Variants in TTLL8 observed in about 807,000 individuals in gnomAD.
TTLL8 encodes the protein protein monoglycylase TTLL8.
Under a neutral mutation model 77.8 loss-of-function variants are expected in TTLL8, and 65 were observed. The ratio of observed to expected loss-of-function variants is 0.84; its 90% confidence interval spans 0.68 to 1.03. The LOEUF is 1.03. Ranked by LOEUF, TTLL8 falls within the 50% of genes least tolerant of loss-of-function variation. The pLI is 0.00. For missense variants in TTLL8, 910 were observed against 1,004.5 expected, an observed-to-expected ratio of 0.91 and a Z score of 1.27; for synonymous variants, 402 against 422.8, an observed-to-expected ratio of 0.95 and a Z score of 0.60.
chr22:50,051,768 C>T lies in TTLL8; in HGVS notation c.52-1521G>A, dbSNP rs148257211. Among the ~76,000 whole-genome samples the T allele has an allele frequency of 1.8e-3, 271 of 152,234 alleles. 4 individuals carry two copies. The highest frequency in any genetic ancestry group is 0.01 in the Middle Eastern group (3 of 294). ...GTGGTATCACATTGTGGTTTTAATT[C>T]GCATTTCCCTGAGAATTAGTGATGC... On this transcript the variant is annotated intron_variant, in intron 1 of 13. Coordinates refer to ENST00000266182, the Ensembl canonical transcript of TTLL8.
At chr22:50,052,628 GAT>G (rs2061450257) in intron 1 of TTLL8, among the ~76,000 whole-genome samples, 1 of 152,142 alleles carries the variant, frequency 6.6e-6, no homozygotes, top group Non-Finnish European at 1.5e-5. Context: ...AAAAGGAAAA[GAT>G]AGAAATATGA....
intron 1 of TTLL8, 42 bp from the exon 4 acceptor site, chr22:50,050,289 T>C: frequency 1.5e-6 from 2 of 1,294,576 alleles, no homozygotes; most frequent in Non-Finnish European, 2.0e-6. Flanking sequence ...TCAATCATTT[T>C]TGGGGAATAG....
chr22:50,048,885 A>T (rs137908), intron 3 of TTLL8, among the ~76,000 whole-genome samples: 1 of 151,656 alleles, frequency 6.6e-6, no homozygotes, highest in Non-Finnish European at 1.5e-5. Context: ...TGCTGGAGAC[A>T]GGAGCTCACT....
intron 6 of TTLL8, among the ~76,000 whole-genome samples, chr22:50,042,164 A>G (rs1327289580): frequency 6.6e-6 from 1 of 152,232 alleles, no homozygotes; most frequent in Non-Finnish European, 1.5e-5. Flanking sequence ...CATTAAAATG[A>G]AAAACTTCTG....
intron 3 of TTLL8, among the ~76,000 whole-genome samples, 158 bp from the exon 6 acceptor site, chr22:50,047,454 C>A (rs1042023748): frequency 6.6e-6 from 1 of 152,222 alleles, no homozygotes; most frequent in African/African-American, 2.4e-5. Context: ...GGGCCTCCTG[C>A]ACATGGGATG....
At position 50,034,306 on chromosome 22, in the gene TTLL8, C is replaced by T. The variant is rs750096855; in HGVS notation, c.1039+39G>A. 2.2e-5 allele frequency: 29 copies of T among 1,339,788 alleles called. No individual in the cohort carries two copies. Among genetic ancestry groups the T allele is most frequent in the South Asian group, 2.0e-4 (17 of 85,856 alleles). 83.0% of individuals were successfully genotyped at this position (1,339,788 alleles called of 1,614,324 possible). A position where few individuals can be genotyped will look rare whatever the true frequency, so the allele number is the denominator to read the frequency against. On this transcript the variant is annotated intron_variant, in intron 9 of 13. Transcript: ENST00000266182. The surrounding 1 kb of genome is among the most constrained non-coding windows in gnomAD (Gnocchi z 4.1). ...CACGGCTCCTGGCATCAAGTGTGGC[C>T]GTTGGTGGCTATGAACGCGGTGCAG... is the stretch of plus-strand genomic sequence containing the variant.
intron 3 of TTLL8, among the ~76,000 whole-genome samples, chr22:50,048,333 G>A (rs2061425071): frequency 1.3e-5 from 2 of 152,098 alleles, no homozygotes; most frequent in South Asian, 4.2e-4. Flanking sequence ...TCCCCAGGGC[G>A]ATGGCATAGG....
chr22:50,045,631 G>A (rs930747634), intron 5 of TTLL8, among the ~76,000 whole-genome samples: 6 of 152,290 alleles, frequency 3.9e-5, no homozygotes, highest in Admixed American at 2.6e-4. Context: ...CCAGCTGCTC[G>A]CCGCGCTGTC....
At chr22:50,026,721 A>C (rs2061231764) in intron 12 of TTLL8, among the ~76,000 whole-genome samples, 1 of 152,236 alleles carries the variant, frequency 6.6e-6, no homozygotes, top group South Asian at 2.1e-4. Context: ...AGCTGTGTCT[A>C]CTTACGGTCT....
At chr22:50,036,293 G>A (rs1426440427) in intron 8 of TTLL8, among the ~76,000 whole-genome samples, 2 of 152,366 alleles carry the variant, frequency 1.3e-5, no homozygotes, top group Admixed American at 1.3e-4. Flanking sequence ...CGACCACAGG[G>A]ACTTGCGGGG....
chr22:50,021,924 T>C (rs2061204046), intron 12 of TTLL8, among the ~76,000 whole-genome samples: 1 of 98,300 alleles, frequency 1.0e-5, no homozygotes. Context: ...TGTGTACTCC[T>C]CCACCTGACA....
upstream of TTLL8, among the ~76,000 whole-genome samples, chr22:50,057,629 C>A (rs1167725409): frequency 4.9e-5 from 2 of 40,818 alleles, no homozygotes; most frequent in Non-Finnish European, 3.9e-5. Flanking sequence ...GGTTGGGGGT[C>A]AGGTCTGGGT....
At chr22:50,030,325 C>G in intron 12 of TTLL8, 105 bp downstream of exon 13, 6 of 1,137,676 alleles carry the variant, frequency 5.3e-6, no homozygotes, top group Non-Finnish European at 6.5e-6. Flanking sequence ...AGCACCGAAG[C>G]CTGCCCTGCG....
In TTLL8 at chr22:50,041,784, G is replaced by A. The variant is rs1385783066; in HGVS notation, c.667C>T (p.Leu223Phe). ...ACAAGCTGCCCCGGGAGGCCCCTGA[G>A]CTTTGCCTCAGCATTTTCAGCATCT... is the stretch of plus-strand genomic sequence containing the variant. Residue 223 changes from leucine to phenylalanine, a missense_variant, in exon 7 of 14, where the codon CTC (leucine) becomes TTC (phenylalanine). Physicochemically the swap from Leu to Phe is conservative, Grantham distance 22 (BLOSUM62 0). Around this residue, in one of 2 missense-constraint regions of TTLL8, gnomAD observed 776 missense variants for 926.1 expected, o/e 0.84. Transcript: ENST00000266182. The surrounding 1 kb of genome is among the most constrained non-coding windows in gnomAD (Gnocchi z 4.3). The A allele has an allele frequency of 1.5e-6, 2 of 1,363,212 alleles. No homozygotes were observed. Among genetic ancestry groups the A allele is most frequent in the South Asian group, 1.1e-5 (1 of 87,042 alleles). 84.4% of individuals were successfully genotyped at this position (1,363,212 alleles called of 1,614,324 possible).
chr22:50,055,485 C>T (rs1347810243), upstream of TTLL8, among the ~76,000 whole-genome samples: 1 of 151,972 alleles, frequency 6.6e-6, no homozygotes, highest in Non-Finnish European at 1.5e-5. Context: ...GAAACCCTGT[C>T]TCTACTAAAA....
At chr22:50,025,303 C>T (rs1298736342) in intron 12 of TTLL8, among the ~76,000 whole-genome samples, 7 of 138,192 alleles carry the variant, frequency 5.1e-5, no homozygotes, top group Non-Finnish European at 1.1e-4. Flanking sequence ...AAAGGCATCA[C>T]TAAGAAAGCA....
chr22:50,045,793 G>C, intron 5 of TTLL8, 63 bp downstream of exon 7: 1 of 1,283,468 alleles, frequency 7.8e-7, no homozygotes, highest in Non-Finnish European at 1.0e-6. Context: ...TCAGCACCAG[G>C]GGGATCTTTC....
intron 1 of TTLL8, among the ~76,000 whole-genome samples, chr22:50,051,918 AG>A (rs1393766918): frequency 6.6e-6 from 1 of 152,204 alleles, no homozygotes; most frequent in Non-Finnish European, 1.5e-5. Context: ...GTGCTCTGGC[AG>A]GAAGACATCT....
intron 12 of TTLL8, among the ~76,000 whole-genome samples, chr22:50,029,695 C>T (rs1185019253): frequency 1.3e-5 from 2 of 152,128 alleles, no homozygotes; most frequent in Non-Finnish European, 2.9e-5. Context: ...CGCGCCACGG[C>T]ACTTCAGCCT....
Sources: gnomAD v4.1 joint callset for allele counts (sites outside exome capture counted in the v4.1 genomes callset) on GRCh38, gnomAD v4.1.1 for gene constraint, gnomAD v4.1.1 regional missense constraint, Gnocchi (gnomAD v3.1) non-coding constraint, MANE v1.5 for transcripts, NCBI Gene and HGNC (gene_info 2026-07-23, HGNC 2026-07-21) for gene names.